Variants in CFAP92 observed in about 807,000 individuals in gnomAD.
CFAP92 encodes cilia and flagella associated protein 92 (putative).
In CFAP92, 86 loss-of-function variants were observed where a neutral mutation model predicts 106.3. The ratio of observed to expected loss-of-function variants is 0.81; its 90% confidence interval spans 0.68 to 0.97. The LOEUF is 0.97. Ranked by LOEUF, CFAP92 falls within the 50% of genes least tolerant of loss-of-function variation. The pLI, the probability that CFAP92 is intolerant of heterozygous loss-of-function variation, is 0.00. For missense variants in CFAP92, 1,204 were observed against 1,283.8 expected (o/e 0.94, Z 0.95); for synonymous variants, 477 against 506.4 (o/e 0.94, Z 0.78).
chr3:128,975,970 A>G (rs1229747865), intron 6 of CFAP92, 67 bp from the exon 7 acceptor site: 35 of 1,499,076 alleles, frequency 2.3e-5, no homozygotes, highest in Non-Finnish European at 2.9e-5. Flanking sequence ...CTGAGAATCT[A>G]TTTACTGATG....
intron 10 of CFAP92, among the ~76,000 whole-genome samples, chr3:128,938,393 A>G (rs779408412): frequency 6.6e-6 from 1 of 152,136 alleles, no homozygotes; most frequent in Non-Finnish European, 1.5e-5. Context: ...AAGGACATCT[A>G]CAAAAACCCT....
chr3:128,984,915 C>A (rs1943758040), intron 4 of CFAP92, among the ~76,000 whole-genome samples: 1 of 152,128 alleles, frequency 6.6e-6, no homozygotes, highest in Non-Finnish European at 1.5e-5. Context: ...TGTAAGAAAT[C>A]TTTTTACGTG....
intron 9 of CFAP92, among the ~76,000 whole-genome samples, chr3:128,946,988 T>C (rs1940280080): frequency 1.3e-5 from 2 of 152,176 alleles, no homozygotes; most frequent in African/African-American, 4.8e-5. Flanking sequence ...AACCACACAA[T>C]GGAGAAGCTG....
chr3:129,002,236 TGGA>T (rs776378976), intron 1 of CFAP92: 233 of 1,529,728 alleles, frequency 1.5e-4, no homozygotes, highest in African/African-American at 4.1e-4. Context: ...GTTGCGCGGC[TGGA>T]GGAGGAGAAT....
upstream of CFAP92, among the ~76,000 whole-genome samples, chr3:128,994,719 G>A (rs1374286732): frequency 2.0e-5 from 3 of 152,186 alleles, no homozygotes; most frequent in Non-Finnish European, 2.9e-5. Context: ...GCCTCCGCTC[G>A]TCTGCTAAAC....
intron 1 of CFAP92, chr3:129,001,859 C>G (rs1235430252): frequency 6.5e-7 from 1 of 1,546,220 alleles, no homozygotes; most frequent in East Asian, 2.5e-5. Flanking sequence ...TGCCCCGCGC[C>G]GACTTCCGAG....
intron 9 of CFAP92, among the ~76,000 whole-genome samples, chr3:128,947,321 A>G (rs991085197): frequency 6.6e-6 from 1 of 152,198 alleles, no homozygotes; most frequent in East Asian, 1.9e-4. Flanking sequence ...TCCTCAAACC[A>G]ATCAGTTTAT....
intron 12 of CFAP92, among the ~76,000 whole-genome samples, chr3:128,922,310 T>C (rs1474173726): frequency 2.0e-5 from 3 of 151,392 alleles, no homozygotes; most frequent in Non-Finnish European, 4.4e-5. Context: ...GCCACTGCAC[T>C]CCAGCCTGGG....
At position 128,965,693 on chromosome 3, in the gene CFAP92, A is replaced by T. The variant is rs1576555715; in HGVS notation, c.1171T>A (p.Trp391Arg). 7 of 398,934 alleles carry T rather than the reference A, an allele frequency of 1.8e-5. No individual in the cohort carries two copies. The East Asian group carries it at 2.5e-4, about 14-fold the overall frequency. The allele number at this position is 398,934 out of a possible 1,614,324, so 24.7% of individuals were successfully genotyped here. A position where few individuals can be genotyped will look rare whatever the true frequency, so the allele number is the denominator to read the frequency against. The change falls in exon 9 of 16, where the codon TGG (tryptophan) becomes AGG (arginine). Residue 391 changes from tryptophan to arginine, a missense_variant and splice_region_variant. By Grantham distance (101) the Trp-to-Arg change is moderately radical. Transcript: ENST00000645291. ...CTGCCACGACTCACGACAGTTTGCCATCCTGGGGGAAATACACCCAGCATT... is the reference window on the plus strand; with the variant it reads ...CTGCCACGACTCACGACAGTTTGCCTTCCTGGGGGAAATACACCCAGCATT... ...QLAVMPLLAG[W>R]QTVVSRGSEK...
At chr3:128,918,938 GGATTTTT>G (rs1937039553) in intron 12 of CFAP92, among the ~76,000 whole-genome samples, 1 of 138,274 alleles carries the variant, frequency 7.2e-6, no homozygotes, top group African/African-American at 3.0e-5. Flanking sequence ...ATCTCAGATT[GGATTTTT>G]TTTTTTTTTT....
At chr3:129,001,476 C>G (rs938612511) in intron 1 of CFAP92, among the ~76,000 whole-genome samples, 38 of 152,326 alleles carry the variant, frequency 2.5e-4, no homozygotes, top group African/African-American at 8.9e-4. Context: ...CACTGTGAGG[C>G]CAGCGCAGCT....
chr3:128,999,960 C>T (rs1944647170), intron 1 of CFAP92, among the ~76,000 whole-genome samples: 1 of 152,238 alleles, frequency 6.6e-6, no homozygotes, highest in South Asian at 2.1e-4. Flanking sequence ...TGTGCACTCA[C>T]ATACACATGT....
upstream of CFAP92, among the ~76,000 whole-genome samples, chr3:128,994,718 C>A (rs1035409579): frequency 1.3e-5 from 2 of 152,200 alleles, no homozygotes; most frequent in South Asian, 2.1e-4. Context: ...AGCCTCCGCT[C>A]GTCTGCTAAA....
chr3:129,012,509 A>G, the CFAP92 span, among the ~76,000 whole-genome samples: 1 of 152,104 alleles, frequency 6.6e-6, no homozygotes, highest in Non-Finnish European at 1.5e-5. Flanking sequence ...GACTTTCCAA[A>G]TTCTGTGACC....
At chr3:128,999,073 T>C (rs545625584), upstream of CFAP92, among the ~76,000 whole-genome samples, 2 of 152,330 alleles carry the variant, frequency 1.3e-5, no homozygotes, top group South Asian at 4.1e-4. Context: ...CTTTAAACAA[T>C]ATACTATTTG....
At chr3:128,971,174 TGAGG>T in intron 8 of CFAP92, 109 bp downstream of exon 8, 1 of 1,536,928 alleles carries the variant, frequency 6.5e-7, no homozygotes, top group Non-Finnish European at 8.9e-7. Flanking sequence ...GAGGTGGCTG[TGAGG>T]ATGAAATGAG....
chr3:128,926,100 ATTTAT>A (rs1249552053), intron 12 of CFAP92, among the ~76,000 whole-genome samples: 3 of 152,266 alleles, frequency 2.0e-5, no homozygotes, highest in Non-Finnish European at 4.4e-5. Context: ...ATACAACTAG[ATTTAT>A]TTTAAATGGA....
At chr3:128,988,372 C>G (rs1245024601) in intron 3 of CFAP92, among the ~76,000 whole-genome samples, 1 of 152,138 alleles carries the variant, frequency 6.6e-6, no homozygotes, top group East Asian at 1.9e-4. Flanking sequence ...GAAATCCCGT[C>G]TCTACTAAAA....
chr3:129,012,186 C>T, the CFAP92 span, among the ~76,000 whole-genome samples: 1 of 152,252 alleles, frequency 6.6e-6, no homozygotes, highest in Admixed American at 6.5e-5. Flanking sequence ...GAAGCTTCAG[C>T]TCAACTTGCT....
Sources: gnomAD v4.1 joint callset for allele counts (sites outside exome capture counted in the v4.1 genomes callset) on GRCh38, gnomAD v4.1.1 for gene constraint, MANE v1.5 for transcripts, NCBI Gene and HGNC (gene_info 2026-07-23, HGNC 2026-07-21) for gene names.